Variants in ENTPD6 observed in about 807,000 individuals in gnomAD.
ENTPD6 encodes CD39 antigen-like 2.
In ENTPD6, 46 loss-of-function variants were observed where a neutral mutation model predicts 61.5. The ratio of observed to expected loss-of-function variants is 0.75; its 90% CI spans 0.59 to 0.96. The LOEUF (loss-of-function observed/expected upper bound fraction) is 0.96, where lower values mean the gene tolerates loss of function less well. Ranked by LOEUF, ENTPD6 falls within the 40% of genes least tolerant of loss-of-function variation. The pLI is 0.00. For missense variants in ENTPD6, 612 were observed against 629.0 expected (o/e 0.97, Z 0.29); for synonymous variants, 252 against 255.5 (o/e 0.99, Z 0.13).
At chr20:25,201,002 T>C (rs1030942835) in intron 1 of ENTPD6, among the ~76,000 whole-genome samples, 1 of 152,220 alleles carries the variant, frequency 6.6e-6, no homozygotes, top group African/African-American at 2.4e-5. Context: ...TTTTGGAAGG[T>C]TGTGTTTTTG....
At chr20:25,225,164 G>T in intron 13 of ENTPD6, 41 bp from the exon 14 acceptor site, 1 of 1,586,758 alleles carries the variant, frequency 6.3e-7, no homozygotes, top group Admixed American at 1.8e-5. Context: ...GCCCCCAGGT[G>T]GGAGTCACCT....
intron 1 of ENTPD6, among the ~76,000 whole-genome samples, chr20:25,202,711 T>C (rs946255199): frequency 2.6e-5 from 4 of 152,274 alleles, no homozygotes; most frequent in African/African-American, 9.6e-5. Flanking sequence ...ACAGATTACA[T>C]CTATATATAT....
At position 25,225,759 on chromosome 20, in the gene ENTPD6, C is replaced by T. The variant is rs1003250657; in HGVS notation, c.*162C>T. On this transcript the variant is annotated 3_prime_UTR_variant, in exon 15 of 15. Coordinates refer to ENST00000376652, the MANE Select transcript of ENTPD6 (RefSeq NM_001247.5). ...AGAAGGCCTGGTGCTGCCCTGGCAT[C>T]AGCCTCTTCCAGTCACATCTGGCCA... is the stretch of plus-strand genomic sequence containing the variant. The T allele has an allele frequency of 1.5e-5, 9 of 615,032 alleles. No homozygotes were observed. The highest frequency in any genetic ancestry group is 2.0e-5 in the Non-Finnish European group (7 of 349,296). 38.1% of individuals were successfully genotyped at this position (615,032 alleles called of 1,614,324 possible). A position where few individuals can be genotyped will look rare whatever the true frequency, so the allele number is the denominator to read the frequency against.
chr20:25,225,214 C>A lies in ENTPD6; in HGVS notation c.1253C>A (p.Thr418Asn), dbSNP rs776874977. The change falls in exon 14 of 15, where the codon ACC becomes AAC. Residue 418 changes from threonine to asparagine, a missense_variant. By Grantham distance (65) the Thr-to-Asn change is moderately conservative (BLOSUM62 0). Coordinates refer to ENST00000376652, the MANE Select transcript of ENTPD6 (RefSeq NM_001247.5). Reference protein sequence around the residue: ...FEIAAKYVCRTLETQPQSSPF... With the variant: ...FEIAAKYVCRNLETQPQSSPF... ...CGTGTCTCATCCCCAGTGTGTCGGA[C>A]CCTGGAGACACAGCCGCAGAGCAGC... is the stretch of plus-strand genomic sequence containing the variant. 5.0e-6 allele frequency: 8 copies of A among 1,612,820 alleles called. No individual in the cohort carries two copies. The Admixed American group carries it at 1.3e-4, about 27-fold the overall frequency.
intron 1 of ENTPD6, chr20:25,196,219 G>C (rs6138534): frequency 0.2 from 234,394 of 1,162,694 alleles, 25,766 homozygotes; most frequent in East Asian, 0.52. Context: ...GATGAGCCCG[G>C]CGGGGAAGCT....
chr20:25,217,626 A>G (rs780531073), intron 9 of ENTPD6, 45 bp downstream of exon 9: 2 of 1,554,276 alleles, frequency 1.3e-6, no homozygotes, highest in Admixed American at 1.7e-5. Flanking sequence ...TGGGGTGGGT[A>G]TGCAGCTCCC....
chr20:25,196,419 A>C (rs755232513), intron 1 of ENTPD6, among the ~76,000 whole-genome samples: 1 of 152,210 alleles, frequency 6.6e-6, no homozygotes, highest in African/African-American at 2.4e-5. Flanking sequence ...CTAGGTGGAC[A>C]GACTAGACTC....
chr20:25,218,258 G>A (rs529396465), intron 9 of ENTPD6, among the ~76,000 whole-genome samples: 4 of 152,338 alleles, frequency 2.6e-5, no homozygotes, highest in East Asian at 3.9e-4. Context: ...GTCTTCAGTC[G>A]ATTCTTGTTA....
intron 10 of ENTPD6, among the ~76,000 whole-genome samples, chr20:25,219,455 T>C (rs1196072055): frequency 6.6e-6 from 1 of 152,230 alleles, no homozygotes; most frequent in Non-Finnish European, 1.5e-5. Context: ...GCTTGGCCCT[T>C]CCTGAGACAT....
At chr20:25,224,486 G>A in intron 13 of ENTPD6, 1 of 197,522 alleles carries the variant, frequency 5.1e-6, no homozygotes, top group Non-Finnish European at 1.0e-5. Flanking sequence ...AGCCTGGGAT[G>A]TGGGGTGGAG....
At chr20:25,205,896 G>A (rs543623414) in intron 1 of ENTPD6, among the ~76,000 whole-genome samples, 18 of 152,330 alleles carry the variant, frequency 1.2e-4, no homozygotes, top group South Asian at 6.2e-4. Context: ...CTGTCCTTCC[G>A]TTCTGCTGTG....
At position 25,227,921 on chromosome 20, in the gene ENTPD6, G is replaced by A. The variant is rs186484710; in HGVS notation, c.*2324G>A. Among the ~76,000 whole-genome samples the A allele has an allele frequency of 2.0e-5, 3 of 152,360 alleles. 1 individual carries two copies. The highest frequency in any genetic ancestry group is 2.0e-4 in the Admixed American group (3 of 15,308). ...AGATTTAAAAAAATGATAACTGGTA[G>A]TTTTAATATGCATGGATCTAATTCA... On this transcript the variant is annotated 3_prime_UTR_variant, in exon 15 of 15. Transcript: ENST00000376652.
At chr20:25,222,639 C>T (rs2092676462) in intron 11 of ENTPD6, 199 bp from the exon 12 acceptor site, 1 of 594,028 alleles carries the variant, frequency 1.7e-6, no homozygotes, top group Non-Finnish European at 2.8e-6. Context: ...CCGGGACCAA[C>T]AATGCCCTGG....
rs1186360457 is a variant in ENTPD6 at position 25,227,872 on chromosome 20, C to T, written c.*2275C>T. ...TCCCCCATGTCCTAACAGCTACAGC[C>T]AGTTTAATCTTTGCCATTCTGGCAG... is the stretch of plus-strand genomic sequence containing the variant. On this transcript the variant is annotated 3_prime_UTR_variant, in exon 15 of 15. Coordinates refer to ENST00000376652, the MANE Select transcript of ENTPD6 (RefSeq NM_001247.5). Among the ~76,000 whole-genome samples, 1 of 152,256 alleles carries T rather than the reference C, an allele frequency of 6.6e-6. No individual in the cohort carries two copies. Among genetic ancestry groups the T allele is most frequent in the Non-Finnish European group, 1.5e-5 (1 of 68,044 alleles).
At chr20:25,199,798 A>G (rs1180517206) in intron 1 of ENTPD6, among the ~76,000 whole-genome samples, 2 of 152,218 alleles carry the variant, frequency 1.3e-5, no homozygotes, top group Non-Finnish European at 2.9e-5. Flanking sequence ...ATGTTGTAGC[A>G]CATGTCAGAA....
rs766402964 is a variant in ENTPD6, at chr20:25,227,174, G to A, written c.*1577G>A. ...CACAGGAGGACAGGATCTGGCCCTA[G>A]GGCCTCCCAGGGCTGCAGCGAATGC... On this transcript the variant is annotated 3_prime_UTR_variant, in exon 15 of 15. Transcript: ENST00000376652. 8.5e-5 allele frequency among the ~76,000 whole-genome samples: 13 copies of A among 152,252 alleles called. No individual in the cohort carries two copies. The highest frequency in any genetic ancestry group is 1.5e-4 in the Non-Finnish European group (10 of 68,046).
rs370660812 is a variant in ENTPD6 at position 25,221,338 on chromosome 20, G to A, written c.1045+5G>A. On this transcript the variant is annotated splice_donor_5th_base_variant and intron_variant, in intron 11 of 14. Transcript: ENST00000376652. ...GGGTTTCAGGGCAGAAAGCAGGTACGGGGAGGGTTGCTGCCTGTTGGTTTC... is the reference window on the plus strand; with the variant it reads ...GGGTTTCAGGGCAGAAAGCAGGTACAGGGAGGGTTGCTGCCTGTTGGTTTC... 22 of 1,611,328 alleles carry A rather than the reference G, an allele frequency of 1.4e-5. No homozygotes were observed. The highest frequency in any genetic ancestry group is 9.3e-5 in the African/African-American group (7 of 74,872).
intron 10 of ENTPD6, among the ~76,000 whole-genome samples, chr20:25,220,044 C>T (rs1390317627): frequency 6.6e-6 from 1 of 152,158 alleles, no homozygotes; most frequent in Non-Finnish European, 1.5e-5. Flanking sequence ...ACCCTGAGTC[C>T]TCTCACACCC....
At chr20:25,204,213 T>C (rs1256141232) in intron 1 of ENTPD6, among the ~76,000 whole-genome samples, 1 of 152,224 alleles carries the variant, frequency 6.6e-6, no homozygotes, top group Non-Finnish European at 1.5e-5. Context: ...AAAAGGACTT[T>C]GAGATCAAGG....
Sources: gnomAD v4.1 joint callset for allele counts (sites outside exome capture counted in the v4.1 genomes callset) on GRCh38, gnomAD v4.1.1 for gene constraint, MANE v1.5 for transcripts, NCBI Gene and HGNC (gene_info 2026-07-23, HGNC 2026-07-21) for gene names.